The following DCC variants were observed in gnomAD, a reference collection of about 807,000 sequenced individuals.
DCC encodes the protein netrin receptor DCC.
A neutral mutation model predicts 172.5 loss-of-function variants in DCC; 58 were observed. That is an observed-to-expected ratio of 0.34 (90% CI 0.27 to 0.42). The LOEUF is 0.42. DCC is among the 10% of genes least tolerant of loss of function. The probability of loss-of-function intolerance (pLI) is 1.00; values close to 1 mark genes in which losing one functional copy is unlikely to be tolerated. For missense variants in DCC, 1,740 were observed against 1,791.0 expected (o/e 0.97, Z 0.51); for synonymous variants, 709 against 644.5 (o/e 1.10, Z -1.52).
In DCC at chr18:53,526,701, T is replaced by C. The variant is rs781160141; in HGVS notation, c.4196T>C (p.Val1399Ala). 1.2e-6 allele frequency: 2 copies of C among 1,613,586 alleles called. No individual in the cohort carries two copies. The highest frequency in any genetic ancestry group is 8.5e-7 in the Non-Finnish European group (1 of 1,179,700). Residue 1399 changes from valine (V) to alanine (A), a missense_variant, in exon 28 of 29, where the codon GTG (valine) becomes GCG (alanine). Val to Ala is a moderately conservative substitution (Grantham distance 64). Around this residue, in one of 2 missense-constraint regions of DCC, gnomAD observed 1,732 missense variants for 1,767.4 expected, o/e 0.98. Transcript: ENST00000442544. ...KARSPLLPVS[V>A]PTAPEVSEES... Reference sequence around the variant, plus strand: ...AGATCCCCTTTGCTTCCTGTGTCTGTGCCAACAGCCCCTGAAGTGTCTGAG... The same window carrying C: ...AGATCCCCTTTGCTTCCTGTGTCTGCGCCAACAGCCCCTGAAGTGTCTGAG...
intron 1 of DCC, among the ~76,000 whole-genome samples, chr18:52,590,004 T>TAAA (rs796530952): frequency 6.6e-6 from 1 of 151,768 alleles, no homozygotes; most frequent in African/African-American, 2.4e-5. Flanking sequence ...TGCTTTTTTT[T>TAAA]AAAAAAAGAT....
intron 1 of DCC, among the ~76,000 whole-genome samples, chr18:52,535,981 A>G (rs941932862): frequency 6.6e-6 from 1 of 152,332 alleles, no homozygotes; most frequent in Middle Eastern, 3.4e-3. Context: ...GGAATCTTCC[A>G]TGAGAAGGTA....
chr18:52,863,449 A>G (rs1166743314), intron 2 of DCC, among the ~76,000 whole-genome samples: 2 of 151,806 alleles, frequency 1.3e-5, no homozygotes, highest in African/African-American at 2.4e-5. Flanking sequence ...TCTATATGGA[A>G]CAGGACATAT....
chr18:52,742,645 T>C (rs2036840728), intron 1 of DCC, among the ~76,000 whole-genome samples: 1 of 152,190 alleles, frequency 6.6e-6, no homozygotes, highest in South Asian at 2.1e-4. Flanking sequence ...GTCAATGCAA[T>C]ATTTTTCCTT....
chr18:53,045,390 G>T (rs988514914), intron 5 of DCC, among the ~76,000 whole-genome samples: 8 of 151,856 alleles, frequency 5.3e-5, no homozygotes, highest in African/African-American at 1.9e-4. Flanking sequence ...AGGAGAGGAA[G>T]AAGTGTTTCC....
intron 1 of DCC, among the ~76,000 whole-genome samples, chr18:52,402,482 G>C (rs1986479144): frequency 6.6e-6 from 1 of 151,892 alleles, no homozygotes; most frequent in African/African-American, 2.4e-5. Flanking sequence ...CCCCAGGAAA[G>C]TACCCATCAA....
chr18:53,408,714 G>C (rs1030190003), intron 19 of DCC, among the ~76,000 whole-genome samples: 2 of 152,080 alleles, frequency 1.3e-5, no homozygotes, highest in African/African-American at 4.8e-5. Context: ...TCCTGTCTTG[G>C]GGTCTGTATT....
chr18:53,010,859 A>G (rs2041719729), intron 5 of DCC, among the ~76,000 whole-genome samples: 1 of 151,162 alleles, frequency 6.6e-6, no homozygotes, highest in African/African-American at 2.4e-5. Context: ...TTTTGGATAT[A>G]TTGATTGTCA....
At chr18:52,892,060 C>A (rs944823064) in intron 2 of DCC, among the ~76,000 whole-genome samples, 10 of 152,134 alleles carry the variant, frequency 6.6e-5, no homozygotes, top group African/African-American at 2.4e-4. Context: ...ACCCTGCTTA[C>A]AGCCCCAGGT....
intron 5 of DCC, among the ~76,000 whole-genome samples, chr18:52,984,721 T>C (rs2041265183): frequency 6.6e-6 from 1 of 152,130 alleles, no homozygotes; most frequent in Non-Finnish European, 1.5e-5. Flanking sequence ...CACATTACTA[T>C]AGTATGATTA....
At position 53,427,402 on chromosome 18, in the gene DCC, T is replaced by A. The variant is rs1176178588; in HGVS notation, c.3164-7742T>A. ...TACTGATATTATGAAGCCATCTTTA[T>A]GTTTTATTCTATTAAGAATTCAATT... On this transcript the variant is annotated intron_variant, in intron 21 of 28. Transcript: ENST00000442544. Among the ~76,000 whole-genome samples the A allele has an allele frequency of 2.6e-5, 4 of 152,160 alleles. No homozygotes were observed. In the South Asian group the frequency reaches 8.3e-4, roughly 31 times the overall value.
At chr18:52,800,163 G>A (rs564243753) in intron 2 of DCC, among the ~76,000 whole-genome samples, 13 of 152,284 alleles carry the variant, frequency 8.5e-5, no homozygotes, top group African/African-American at 3.1e-4. Flanking sequence ...AGTGAGAAAA[G>A]GCATCCATGG....
chr18:52,344,772 T>C (rs1409109888), intron 1 of DCC, among the ~76,000 whole-genome samples: 2 of 114,504 alleles, frequency 1.7e-5, no homozygotes, highest in African/African-American at 3.1e-5. Context: ...TCCCAAACTT[T>C]GCATGTGAAA....
chr18:52,751,811 T>G (rs111948115), intron 1 of DCC, among the ~76,000 whole-genome samples: 17 of 152,146 alleles, frequency 1.1e-4, no homozygotes, highest in Admixed American at 9.2e-4. Context: ...AGGATTTATA[T>G]GAATTTGTAA....
chr18:53,473,831 C>CAA (rs2145195001), intron 25 of DCC, among the ~76,000 whole-genome samples: 1 of 152,234 alleles, frequency 6.6e-6, no homozygotes, highest in Admixed American at 6.5e-5. Flanking sequence ...GGTGCTATCT[C>CAA]CATTGTCTAA....
chr18:53,321,986 C>G, intron 13 of DCC, 61 bp from the exon 14 acceptor site: 2 of 904,742 alleles, frequency 2.2e-6, no homozygotes, highest in Non-Finnish European at 3.8e-6. Context: ...TTTTGGAAAC[C>G]CAGGTAGGAA....
At chr18:53,309,944 ACATG>A (rs1420089765) in intron 13 of DCC, among the ~76,000 whole-genome samples, 90 of 123,770 alleles carry the variant, frequency 7.3e-4, no homozygotes, top group Non-Finnish European at 1.1e-3. Flanking sequence ...ATATATATAT[ACATG>A]TATATATACG....
chr18:52,424,046 C>A (rs1987342284), intron 1 of DCC, among the ~76,000 whole-genome samples: 1 of 152,070 alleles, frequency 6.6e-6, no homozygotes, highest in Non-Finnish European at 1.5e-5. Flanking sequence ...TCAGTAGATT[C>A]TTGTTCTGGG....
intron 1 of DCC, among the ~76,000 whole-genome samples, chr18:52,677,318 T>C (rs1355791032): frequency 2.0e-5 from 3 of 152,082 alleles, no homozygotes; most frequent in African/African-American, 7.2e-5. Flanking sequence ...TGTGCATACA[T>C]TACAAAAAAA....
Sources: gnomAD v4.1 joint callset for allele counts (sites outside exome capture counted in the v4.1 genomes callset) on GRCh38, gnomAD v4.1.1 for gene constraint, gnomAD v4.1.1 regional missense constraint, MANE v1.5 for transcripts, NCBI Gene and HGNC (gene_info 2026-07-23, HGNC 2026-07-21) for gene names.